MORC1: variants seen among roughly 807,000 people sequenced by gnomAD.
The protein encoded by MORC1 is MORC family CW-type zinc finger 1, also known as MORC family CW-type zinc finger protein 1.
MORC1 carries 59 observed loss-of-function variants against 134.9 expected under a neutral mutation model. That is an observed-to-expected ratio of 0.44 (90% CI 0.35 to 0.54). The LOEUF (loss-of-function observed/expected upper bound fraction) is 0.54, where lower values mean the gene tolerates loss of function less well. MORC1 is among the 20% of genes least tolerant of loss of function. MORC1 has a pLI of 0.00. For missense variants in MORC1, 947 were observed against 1,134.5 expected (o/e 0.83, Z 2.37); for synonymous variants, 395 against 391.7 (o/e 1.01, Z -0.10).
chr3:109,030,867 A>G (rs544538548), intron 16 of MORC1, among the ~76,000 whole-genome samples: 1 of 152,302 alleles, frequency 6.6e-6, no homozygotes, highest in African/African-American at 2.4e-5. Context: ...AGAAATGATA[A>G]ATGCTTGAAG....
At position 109,075,150 on chromosome 3, in the gene MORC1, T is replaced by C. The variant is rs562177730; in HGVS notation, c.690-5393A>G. On this transcript the variant is annotated intron_variant, in intron 8 of 27. Transcript: ENST00000232603. ...GTAGACAATCAATATCTCCCAGCCA[T>C]TCAATTACACCTAATGTCTCTGCTG... is the stretch of plus-strand genomic sequence containing the variant. Among the ~76,000 whole-genome samples, 191 of 152,298 alleles carry C rather than the reference T, an allele frequency of 1.3e-3. 1 individual carries two copies. The highest frequency in any genetic ancestry group is 4.4e-3 in the African/African-American group (183 of 41,578).
In MORC1 at chr3:109,032,812, T is replaced by C. The variant is rs1470313793; in HGVS notation, c.1473A>G (p.Lys491=). Residue 491 remains lysine (K), a synonymous_variant, in exon 16 of 28, where the codon AAA becomes AAG. Coordinates refer to ENST00000232603, the MANE Select transcript of MORC1 (RefSeq NM_014429.4). ...PFIIQCDLCL[K]WRVLPSSTNY... Reference sequence around the variant, plus strand: ...TAGTAGAGGAAGGCAAGACTCTCCATTTAAGACAAAGATCTGACAATCAAA... The same window carrying C: ...TAGTAGAGGAAGGCAAGACTCTCCACTTAAGACAAAGATCTGACAATCAAA... 2.5e-6 allele frequency: 4 copies of C among 1,587,284 alleles called. No homozygotes were observed. Among genetic ancestry groups the C allele is most frequent in the Non-Finnish European group, 3.4e-6 (4 of 1,161,024 alleles).
chr3:109,040,403 A>AAAGAAAGAGAGAGAAGGAAG (rs1553753628), intron 14 of MORC1, among the ~76,000 whole-genome samples: 2 of 13,558 alleles, frequency 1.5e-4, no homozygotes, highest in East Asian at 5.1e-3. Flanking sequence ...AGAAAGAAAG[A>AAAGAAAGAGAGAGAAGGAAG]GAAGGAAGGA....
At chr3:108,968,161 T>C (rs560926998) in intron 26 of MORC1, among the ~76,000 whole-genome samples, 7 of 152,372 alleles carry the variant, frequency 4.6e-5, no homozygotes, top group South Asian at 4.1e-4. Flanking sequence ...AAGTAAACTT[T>C]GTCTTTTATT....
At chr3:108,977,867 C>T (rs531572999) in intron 24 of MORC1, among the ~76,000 whole-genome samples, 1 of 152,216 alleles carries the variant, frequency 6.6e-6, no homozygotes, top group East Asian at 1.9e-4. Flanking sequence ...TGACATCTAT[C>T]TAGATCATTG....
intron 20 of MORC1, 32 bp from the exon 21 acceptor site, chr3:109,000,690 G>C (rs1487370416): frequency 6.6e-7 from 1 of 1,516,358 alleles, no homozygotes; most frequent in Admixed American, 1.7e-5. Flanking sequence ...AAAAATACAA[G>C]GATTAGTGGC....
intron 8 of MORC1, among the ~76,000 whole-genome samples, chr3:109,083,945 A>G (rs1432277644): frequency 1.3e-5 from 2 of 152,188 alleles, no homozygotes; most frequent in South Asian, 2.1e-4. Context: ...AAAATCATTC[A>G]AGAAAATTCC....
At chr3:108,985,128 C>A (rs1325114263) in intron 22 of MORC1, among the ~76,000 whole-genome samples, 1 of 152,256 alleles carries the variant, frequency 6.6e-6, no homozygotes, top group East Asian at 1.9e-4. Flanking sequence ...CCCCCAATAA[C>A]CCACTCTCTC....
intron 6 of MORC1, among the ~76,000 whole-genome samples, chr3:109,096,682 C>G (rs532218361): frequency 6.6e-6 from 1 of 152,266 alleles, no homozygotes; most frequent in African/African-American, 2.4e-5. Flanking sequence ...GCAGCCCAGG[C>G]CACTGCTCTG....
chr3:109,074,980 C>G (rs553213322), intron 8 of MORC1, among the ~76,000 whole-genome samples: 38 of 152,244 alleles, frequency 2.5e-4, no homozygotes, highest in Middle Eastern at 3.4e-3. Flanking sequence ...TAAAGCTCTC[C>G]CAACAGAACT....
At position 109,093,458 on chromosome 3, in the gene MORC1, G is replaced by A. The variant is rs760796341; in HGVS notation, c.667C>T (p.Leu223=). The A allele has an allele frequency of 8.1e-6, 13 of 1,613,072 alleles. No homozygotes were observed. The Admixed American group carries it at 2.2e-4, about 27-fold the overall frequency. Reference sequence around the variant, plus strand: ...TACTCCTCCAGAGCTCCAGCCATCAGTATATCTTCTTTGTCAGTTTTAACA... The same window carrying A: ...TACTCCTCCAGAGCTCCAGCCATCAATATATCTTCTTTGTCAGTTTTAACA... ...LDVKTDKEDI[L]MAGALEDFPA... The change falls in exon 8 of 28, where the codon CTG becomes TTG. Residue 223 remains leucine (L), a synonymous_variant. Transcript: ENST00000232603.
intron 24 of MORC1, among the ~76,000 whole-genome samples, chr3:108,978,636 T>C (rs143604860): frequency 6.8e-4 from 103 of 152,334 alleles, no homozygotes; most frequent in Non-Finnish European, 1.2e-3. Context: ...ACAGTCCCTA[T>C]GTACGTGTTC....
At chr3:109,062,105 G>A in intron 10 of MORC1, 47 bp from the exon 11 acceptor site, 1 of 1,541,668 alleles carries the variant, frequency 6.5e-7, no homozygotes, top group Non-Finnish European at 9.0e-7. Context: ...ATTATTTCAA[G>A]CAATTTTAAG....
chr3:109,066,479 G>C (rs188280902), intron 9 of MORC1, among the ~76,000 whole-genome samples: 1 of 152,032 alleles, frequency 6.6e-6, no homozygotes, highest in Admixed American at 6.6e-5. Flanking sequence ...TAGAGATGGG[G>C]TTTCACCTTC....
At chr3:109,078,311 G>T (rs72935376) in intron 8 of MORC1, among the ~76,000 whole-genome samples, 1,904 of 152,120 alleles carry the variant, frequency 0.013, 37 homozygotes, top group African/African-American at 0.042. Context: ...AATCTGAACA[G>T]ATTTCAAAGA....
intron 3 of MORC1, 115 bp downstream of exon 3, chr3:109,110,634 T>G: frequency 5.7e-6 from 5 of 879,810 alleles, no homozygotes; most frequent in Non-Finnish European, 8.7e-6. Context: ...ACAAAGCACT[T>G]AGATTACATT....
chr3:109,104,105 C>G (rs1950978585), intron 3 of MORC1, among the ~76,000 whole-genome samples, 188 bp from the exon 4 acceptor site: 1 of 152,164 alleles, frequency 6.6e-6, no homozygotes, highest in East Asian at 1.9e-4. Context: ...GAAAAATAAT[C>G]ATGCAACATA....
intron 15 of MORC1, among the ~76,000 whole-genome samples, chr3:109,034,640 G>A (rs940609003): frequency 6.6e-6 from 1 of 152,072 alleles, no homozygotes; most frequent in Non-Finnish European, 1.5e-5. Flanking sequence ...AAAATAGAAA[G>A]ATGGCTCTTT....
At chr3:109,070,472 T>G (rs1331434327) in intron 8 of MORC1, among the ~76,000 whole-genome samples, 1 of 152,142 alleles carries the variant, frequency 6.6e-6, no homozygotes, top group Admixed American at 6.5e-5. Context: ...ACTTCTATAT[T>G]AAAGTCCGTT....
Sources: gnomAD v4.1 joint callset for allele counts (sites outside exome capture counted in the v4.1 genomes callset) on GRCh38, gnomAD v4.1.1 for gene constraint, MANE v1.5 for transcripts, NCBI Gene and HGNC (gene_info 2026-07-23, HGNC 2026-07-21) for gene names.